The following NOVA1 variants were observed in gnomAD, a reference collection of about 807,000 sequenced individuals.
NOVA1 encodes the protein RNA-binding protein Nova-1.
NOVA1 carries 7 observed loss-of-function variants against 38.0 expected under a neutral mutation model. The observed-to-expected ratio is 0.18, with a 90% confidence interval of 0.10 to 0.35. The LOEUF (loss-of-function observed/expected upper bound fraction) is 0.35. NOVA1 is among the 10% of genes least tolerant of loss of function. The pLI is 1.00. For missense variants in NOVA1, 460 were observed against 616.0 expected, an observed-to-expected ratio of 0.75 and a Z score of 2.68; for synonymous variants, 270 against 232.5, an observed-to-expected ratio of 1.16 and a Z score of -1.47.
intron 1 of NOVA1, chr14:26,596,863 C>G: frequency 8.8e-7 from 1 of 1,132,394 alleles, no homozygotes; most frequent in Non-Finnish European, 1.1e-6. Context: ...CCCAGTCATT[C>G]GCAATCCGCT....
At position 26,478,211 on chromosome 14, in the gene NOVA1, C is replaced by T. The variant is rs566265071; in HGVS notation, c.447+1766G>A. Among the ~76,000 whole-genome samples, 38 of 151,898 alleles carry T rather than the reference C, an allele frequency of 2.5e-4. No individual in the cohort carries two copies. The South Asian group carries it at 3.7e-3, about 15-fold the overall frequency. Reference sequence around the variant, plus strand: ...TATACTGGCACTGGATATATGATAGCCTGTAAATCTCATACTGCCATATAG... The same window carrying T: ...TATACTGGCACTGGATATATGATAGTCTGTAAATCTCATACTGCCATATAG... On this transcript the variant is annotated intron_variant, in intron 3 of 4. Coordinates refer to ENST00000539517, the MANE Select transcript of NOVA1 (RefSeq NM_002515.3).
chr14:26,505,218 T>C (rs942829534), intron 2 of NOVA1, among the ~76,000 whole-genome samples: 2 of 152,150 alleles, frequency 1.3e-5, no homozygotes, highest in African/African-American at 2.4e-5. Flanking sequence ...AAACGGTAAA[T>C]TGAAGATGGC....
chr14:26,590,917 G>A (rs887759957), intron 2 of NOVA1, among the ~76,000 whole-genome samples: 2 of 151,590 alleles, frequency 1.3e-5, no homozygotes, highest in Admixed American at 6.6e-5. Context: ...AATTAATGAT[G>A]TCTTATAACT....
rs1245595529 is a variant in NOVA1, at chr14:26,448,171, C to A, written c.1312G>T (p.Gly438Cys). 1 of 1,614,186 alleles carries A rather than the reference C, an allele frequency of 6.2e-7. No homozygotes were observed. Among genetic ancestry groups the A allele is most frequent in the Non-Finnish European group, 8.5e-7 (1 of 1,180,034 alleles). ...TCCACTAATGTTTTCCCTCCTTTGC[C>A]AAGTATTGCACCAACTAAGTTTTCT... The part of the protein sequence containing the change: ...VPENLVGAIL[G>C]KGGKTLVEYQ... The change falls in exon 5 of 5, where the codon GGC (glycine) becomes TGC (cysteine). Residue 438 changes from glycine (G) to cysteine (C), a missense_variant. Coordinates refer to ENST00000539517, the MANE Select transcript of NOVA1 (RefSeq NM_002515.3). The surrounding 1 kb of genome is among the most constrained non-coding windows in gnomAD (Gnocchi z 5.3).
At chr14:26,591,637 T>A (rs929148864) in intron 2 of NOVA1, among the ~76,000 whole-genome samples, 3 of 151,630 alleles carry the variant, frequency 2.0e-5, no homozygotes, top group African/African-American at 7.2e-5. Flanking sequence ...AAATTCATTA[T>A]CTCCTCTGAT....
chr14:26,579,901 A>T (rs1406552904), intron 2 of NOVA1, among the ~76,000 whole-genome samples: 2 of 152,020 alleles, frequency 1.3e-5, no homozygotes, highest in African/African-American at 4.8e-5. Context: ...TTATTTACTT[A>T]TTTTTTCATA....
At chr14:26,503,459 A>G (rs182130109) in intron 2 of NOVA1, among the ~76,000 whole-genome samples, 495 of 152,186 alleles carry the variant, frequency 3.3e-3, no homozygotes, top group Non-Finnish European at 5.2e-3. Context: ...CTTCCATCAA[A>G]TATCACCATA....
intron 2 of NOVA1, among the ~76,000 whole-genome samples, chr14:26,523,569 C>T (rs1026866716): frequency 5.9e-5 from 9 of 152,058 alleles, no homozygotes; most frequent in East Asian, 1.9e-4. Flanking sequence ...CCTCCATATG[C>T]GATCTCTGTT....
intron 2 of NOVA1, among the ~76,000 whole-genome samples, chr14:26,583,910 CACACACACACATAT>C (rs1893369870): frequency 6.8e-6 from 1 of 148,072 alleles, no homozygotes; most frequent in African/African-American, 2.5e-5. Context: ...CACACACACA[CACACACACACATAT>C]ATTGTATAAA....
intron 2 of NOVA1, among the ~76,000 whole-genome samples, chr14:26,534,627 T>A (rs1234016803): frequency 2.0e-5 from 3 of 152,140 alleles, no homozygotes; most frequent in Admixed American, 2.0e-4. Flanking sequence ...ATAATTATTC[T>A]ATATGGGCAG....
At chr14:26,595,700 A>G (rs17111434) in intron 1 of NOVA1, 147 bp from the exon 2 acceptor site, 121,740 of 621,950 alleles carry the variant, frequency 0.2, 12,764 homozygotes, top group East Asian at 0.31. Context: ...GAGAATGAAA[A>G]TAAGCCAATT....
chr14:26,471,349 T>C, intron 4 of NOVA1, among the ~76,000 whole-genome samples: 1 of 151,998 alleles, frequency 6.6e-6, no homozygotes, highest in South Asian at 2.1e-4. Context: ...ATTTAGCAAA[T>C]ATAGTTCAAA....
At chr14:26,518,929 A>G (rs1888671362) in intron 2 of NOVA1, among the ~76,000 whole-genome samples, 1 of 152,052 alleles carries the variant, frequency 6.6e-6, no homozygotes, top group Non-Finnish European at 1.5e-5. Flanking sequence ...TAAATTATAT[A>G]CTTTTTCATT....
chr14:26,474,694 G>A (rs1360305741), intron 3 of NOVA1, among the ~76,000 whole-genome samples: 2 of 151,834 alleles, frequency 1.3e-5, no homozygotes, highest in African/African-American at 4.8e-5. Context: ...ATCATAATCT[G>A]TTAAGAGGTT....
rs1882208603 is a variant in NOVA1, at chr14:26,447,878, C to T, written c.*81G>A. ...TTATATATTAATAACAGAAAAACTT[C>T]ACTTCTGCAAAGTACAGTACATCCT... On this transcript the variant is annotated 3_prime_UTR_variant, in exon 5 of 5. Coordinates refer to ENST00000539517, the MANE Select transcript of NOVA1 (RefSeq NM_002515.3). 4 of 1,084,776 alleles carry T rather than the reference C, an allele frequency of 3.7e-6. No individual in the cohort carries two copies. Among genetic ancestry groups the T allele is most frequent in the Non-Finnish European group, 5.4e-6 (4 of 735,512 alleles). 67.2% of individuals were successfully genotyped at this position (1,084,776 alleles called of 1,614,324 possible).
chr14:26,469,394 C>T (rs1188522928), intron 4 of NOVA1, among the ~76,000 whole-genome samples: 1 of 152,140 alleles, frequency 6.6e-6, no homozygotes, highest in African/African-American at 2.4e-5. Context: ...AAAGGCAAAA[C>T]TCAAAAGCTT....
At chr14:26,509,635 A>T (rs1887904939) in intron 2 of NOVA1, among the ~76,000 whole-genome samples, 1 of 152,152 alleles carries the variant, frequency 6.6e-6, no homozygotes, top group Non-Finnish European at 1.5e-5. Context: ...GTAAAGATGG[A>T]GGAGACATTG....
At chr14:26,502,083 G>A (rs1386596480) in intron 2 of NOVA1, among the ~76,000 whole-genome samples, 1 of 151,902 alleles carries the variant, frequency 6.6e-6, no homozygotes, top group Non-Finnish European at 1.5e-5. Flanking sequence ...AAATACCGCA[G>A]ATAAAAATGA....
intron 2 of NOVA1, among the ~76,000 whole-genome samples, chr14:26,516,829 A>C (rs1768438934): frequency 6.6e-6 from 1 of 151,990 alleles, no homozygotes; most frequent in African/African-American, 2.4e-5. Flanking sequence ...AATGAAGAAG[A>C]ATAAAGTCCA....
Sources: allele counts gnomAD v4.1 joint callset (sites outside exome capture counted in the v4.1 genomes callset), GRCh38; gene constraint gnomAD v4.1.1; non-coding constraint Gnocchi (gnomAD v3.1); transcripts MANE v1.5; gene names NCBI Gene and HGNC (gene_info 2026-07-23, HGNC 2026-07-21).